Variants in VPS8 observed in about 807,000 individuals in gnomAD.
VPS8 encodes the protein VPS8 subunit of CORVET complex.
A neutral mutation model predicts 216.4 loss-of-function variants in VPS8; 129 were observed. The ratio of observed to expected loss-of-function variants is 0.60; its 90% CI spans 0.52 to 0.69. The LOEUF (loss-of-function observed/expected upper bound fraction) is 0.69. VPS8 is among the 30% of genes least tolerant of loss of function. The pLI is 0.00. For synonymous variants in VPS8, 571 were observed against 565.4 expected (o/e 1.01, Z -0.14); for missense variants, 1,531 against 1,683.5 (o/e 0.91, Z 1.59).
Position 185,051,876 on chromosome 3 carries a change from C to G in VPS8, c.4138C>G (p.Leu1380Val). Residue 1380 changes from leucine to valine, a missense_variant and splice_region_variant, in exon 48 of 48, where the codon CTG becomes GTG. Transcript: ENST00000625842. ...LCRLYRGSSR[L>V]ALLTELSQNR... is the part of the protein sequence containing the mutation. ...GCTGATGTGTGTCCTTCCTTTGCAG[C>G]TGGCTCTCCTCACGGAACTCTCCCA... 6.3e-7 allele frequency: 1 copy of G among 1,596,032 alleles called. No individual in the cohort carries two copies. Among genetic ancestry groups the G allele is most frequent in the Admixed American group, 1.7e-5 (1 of 57,722 alleles).
In VPS8 at chr3:185,025,979, T is replaced by C. The variant is rs150212191; in HGVS notation, c.4056+1590T>C. ...AATAGTCTACTGCTTAAGAGTATAATACTATGTTTGACATATAGTAAGTAC... is the reference window on the plus strand; with the variant it reads ...AATAGTCTACTGCTTAAGAGTATAACACTATGTTTGACATATAGTAAGTAC... On this transcript the variant is annotated intron_variant, in intron 46 of 47. Transcript: ENST00000625842. 2.3e-3 allele frequency among the ~76,000 whole-genome samples: 353 copies of C among 152,352 alleles called. 1 individual carries two copies. Among genetic ancestry groups the C allele is most frequent in the Non-Finnish European group, 4.1e-3 (280 of 68,036 alleles).
chr3:184,927,954 TATTC>T (rs1475275185), intron 31 of VPS8, among the ~76,000 whole-genome samples: 2 of 152,362 alleles, frequency 1.3e-5, no homozygotes, highest in Admixed American at 1.3e-4. Flanking sequence ...ACATTTTGTT[TATTC>T]ATTCATCCAC....
intron 22 of VPS8, 80 bp downstream of exon 22, chr3:184,886,236 A>G (rs1353121562): frequency 7.6e-6 from 10 of 1,320,728 alleles, no homozygotes; most frequent in Middle Eastern, 3.7e-4. Context: ...TAAGAATTCT[A>G]TGAATTTGAC....
In VPS8 at chr3:184,868,042, C is replaced by T; in HGVS notation, c.1489C>T (p.Leu497=). 1.9e-6 allele frequency: 3 copies of T among 1,612,910 alleles called. No individual in the cohort carries two copies. The East Asian group carries it at 6.7e-5, about 36-fold the overall frequency. ...TTTCCAGTCTGTTTATGTGATGATG[C>T]TGAGGAGCTGGAGAGAGGTGAGTTC... ...LGTKSVYVMM[L]RSWRERVDHL... Residue 497 remains leucine, a synonymous_variant, in exon 18 of 48, where the codon CTG becomes TTG. Coordinates refer to ENST00000625842, the MANE Select transcript of VPS8 (RefSeq NM_001009921.3).
At chr3:184,833,681 AG>A (rs1720474392) in intron 4 of VPS8, among the ~76,000 whole-genome samples, 1 of 152,086 alleles carries the variant, frequency 6.6e-6, no homozygotes, top group Non-Finnish European at 1.5e-5. Flanking sequence ...CAGCCCTCCT[AG>A]TCTGTACCTT....
At chr3:184,836,359 A>C (rs567823404) in intron 5 of VPS8, 1 of 455,960 alleles carries the variant, frequency 2.2e-6, no homozygotes, top group African/African-American at 2.0e-5. Flanking sequence ...TCCTTTCAAA[A>C]TCAAGATGAA....
chr3:184,978,270 G>A (rs1262970038), intron 40 of VPS8, among the ~76,000 whole-genome samples: 1 of 151,770 alleles, frequency 6.6e-6, no homozygotes, highest in East Asian at 1.9e-4. Flanking sequence ...TATTTCTGGG[G>A]GTCAGTGTTA....
intron 45 of VPS8, among the ~76,000 whole-genome samples, chr3:185,018,974 G>A (rs1756239658): frequency 6.6e-6 from 1 of 152,222 alleles, no homozygotes. Flanking sequence ...ATGAGGGGGT[G>A]TAGAAGGGTA....
chr3:185,003,696 G>A (rs2109936292), intron 45 of VPS8, among the ~76,000 whole-genome samples: 1 of 152,310 alleles, frequency 6.6e-6, no homozygotes. Context: ...GTGGTGGCCG[G>A]GCAGAGTGGC....
At chr3:184,914,861 C>T in intron 26 of VPS8, 120 bp from the exon 27 acceptor site, 2 of 1,006,526 alleles carry the variant, frequency 2.0e-6, no homozygotes, top group East Asian at 4.9e-5. Context: ...ACCTAACTGA[C>T]AAAAGCTGAG....
At chr3:184,938,673 C>T (rs535582531) in intron 35 of VPS8, among the ~76,000 whole-genome samples, 9 of 141,632 alleles carry the variant, frequency 6.4e-5, no homozygotes, top group African/African-American at 2.2e-4. Flanking sequence ...GTAGTCTCTA[C>T]GGATATTAAG....
At position 185,024,402 on chromosome 3, in the gene VPS8, TAA is replaced by T. The variant is rs765017966; in HGVS notation, c.4056+15_4056+16del. On this transcript the variant is annotated intron_variant, in intron 46 of 47. Transcript: ENST00000625842. ...CACTGCTAAAAAGGTGAGTTTGTTT[TAA>T]AGGCAAAAAACCAGTTCTTCCTTCT... 10 of 1,588,736 alleles carry T rather than the reference TAA, an allele frequency of 6.3e-6. 1 individual carries two copies. The South Asian group carries it at 1.0e-4, about 16-fold the overall frequency.
At chr3:184,995,001 G>A (rs1002854797) in intron 43 of VPS8, among the ~76,000 whole-genome samples, 5 of 152,166 alleles carry the variant, frequency 3.3e-5, no homozygotes, top group Non-Finnish European at 5.9e-5. Context: ...TCACTATCAC[G>A]AGAACAACAC....
intron 40 of VPS8, among the ~76,000 whole-genome samples, chr3:184,980,645 C>A (rs548956998): frequency 8.7e-4 from 132 of 152,242 alleles, no homozygotes; most frequent in African/African-American, 3.0e-3. Context: ...ATGATTCTTG[C>A]AGTGAGTTTT....
chr3:185,024,334 A>G lies in VPS8; in HGVS notation c.4003-2A>G. ...ATTAAAATGTTTGCCTTTTTTTTCC[A>G]GGTAAAAATGTCTCCATCGTATCAT... On this transcript the variant is annotated splice_acceptor_variant, in intron 45 of 47. Transcript: ENST00000625842. LOFTEE classifies it high-confidence loss of function. The G allele has an allele frequency of 6.3e-7, 1 of 1,586,848 alleles. No homozygotes were observed. Among genetic ancestry groups the G allele is most frequent in the Non-Finnish European group, 8.6e-7 (1 of 1,165,348 alleles).
At chr3:184,847,017 A>G (rs1560362313) in intron 8 of VPS8, among the ~76,000 whole-genome samples, 2 of 152,338 alleles carry the variant, frequency 1.3e-5, no homozygotes, top group Non-Finnish European at 1.5e-5. Context: ...AAAAAATTGT[A>G]AGGAGGAGAA....
At chr3:184,831,587 A>G (rs1719997498) in intron 3 of VPS8, among the ~76,000 whole-genome samples, 1 of 152,098 alleles carries the variant, frequency 6.6e-6, no homozygotes. Flanking sequence ...TTTATCTGCC[A>G]TTTGTCTGCT....
intron 25 of VPS8, among the ~76,000 whole-genome samples, chr3:184,912,650 T>TGA (rs1266670363): frequency 2.0e-5 from 3 of 152,174 alleles, no homozygotes; most frequent in African/African-American, 7.2e-5. Context: ...TCATACGAGT[T>TGA]GATGTGAATC....
At chr3:184,969,734 A>C (rs1748085770) in intron 39 of VPS8, among the ~76,000 whole-genome samples, 1 of 150,692 alleles carries the variant, frequency 6.6e-6, no homozygotes, top group Non-Finnish European at 1.5e-5. Flanking sequence ...CCAGCCAAAA[A>C]TAACTTTTCA....
Sources: gnomAD v4.1 joint callset for allele counts (sites outside exome capture counted in the v4.1 genomes callset) on GRCh38, gnomAD v4.1.1 for gene constraint, MANE v1.5 for transcripts, NCBI Gene and HGNC (gene_info 2026-07-23, HGNC 2026-07-21) for gene names.